Variants in MIA3 observed in about 807,000 individuals in gnomAD.
MIA3 encodes transport and Golgi organization protein 1 homolog.
In MIA3, 90 loss-of-function variants were observed where a neutral mutation model predicts 192.4. The observed-to-expected ratio is 0.47, with a 90% CI of 0.39 to 0.56. The LOEUF (loss-of-function observed/expected upper bound fraction) is 0.56, where lower values mean the gene tolerates loss of function less well. Ranked by LOEUF, MIA3 falls within the 20% of genes least tolerant of loss-of-function variation. The probability of loss-of-function intolerance (pLI) is 0.00; values close to 1 mark genes in which losing one functional copy is unlikely to be tolerated. For missense variants in MIA3, 2,123 were observed against 2,269.4 expected, an observed-to-expected ratio of 0.94 and a Z score of 1.31; for synonymous variants, 740 against 792.8, an observed-to-expected ratio of 0.93 and a Z score of 1.12.
intron 6 of MIA3, among the ~76,000 whole-genome samples, chr1:222,636,605 C>G (rs994682534): frequency 6.6e-6 from 1 of 150,764 alleles, no homozygotes; most frequent in Non-Finnish European, 1.5e-5. Flanking sequence ...CTCCACCTCC[C>G]GGGTTCAAGC....
intron 27 of MIA3, among the ~76,000 whole-genome samples, chr1:222,664,588 T>C (rs1392493084): frequency 6.6e-6 from 1 of 151,980 alleles, no homozygotes; most frequent in African/African-American, 2.4e-5. Flanking sequence ...CCCTCAACCC[T>C]CACCTTGGGA....
Position 222,659,649 on chromosome 1 carries a change from G to A in MIA3, c.4798G>A (p.Glu1600Lys). The A allele has an allele frequency of 1.2e-6, 2 of 1,613,990 alleles. No homozygotes were observed. The highest frequency in any genetic ancestry group is 3.3e-4 in the Middle Eastern group (2 of 6,060). Reference sequence around the variant, plus strand: ...CGCTACCCATGAGAAGAAAGCTCATGAAAACTGGGTAAGATTTCTTTTTTT... The same window carrying A: ...CGCTACCCATGAGAAGAAAGCTCATAAAAACTGGGTAAGATTTCTTTTTTT... ...QIATHEKKAH[E>K]NWLKARAAER... is the part of the protein sequence containing the mutation. Residue 1600 changes from glutamate to lysine, a missense_variant, in exon 21 of 28, where the codon GAA becomes AAA. Coordinates refer to ENST00000344922, the MANE Select transcript of MIA3 (RefSeq NM_198551.4).
intron 15 of MIA3, 125 bp downstream of exon 15, chr1:222,653,464 G>T: frequency 1.5e-6 from 1 of 654,856 alleles, no homozygotes; most frequent in South Asian, 1.9e-5. Flanking sequence ...GGATTTGAAT[G>T]TGTGTCTGTT....
chr1:222,625,508 AATTTTAT>A (rs1662073432), intron 3 of MIA3, among the ~76,000 whole-genome samples: 1 of 152,228 alleles, frequency 6.6e-6, no homozygotes, highest in Non-Finnish European at 1.5e-5. Flanking sequence ...ATTAAGCTCT[AATTTTAT>A]ACTGAGCCAG....
At position 222,628,195 on chromosome 1, in the gene MIA3, T is replaced by G; in HGVS notation, c.975T>G (p.Phe325Leu). The G allele has an allele frequency of 6.2e-7, 1 of 1,614,118 alleles. No individual in the cohort carries two copies. Among genetic ancestry groups the G allele is most frequent in the South Asian group, 1.1e-5 (1 of 91,086 alleles). ...AAGATGAGGAGAACCAAGAAGACTT[T>G]GATGAGTTGCCATTACTTACCTTTA... ...GKEDEENQED[F>L]DELPLLTFTD... The change falls in exon 4 of 28, where the codon TTT (phenylalanine) becomes TTG (leucine). Residue 325 changes from phenylalanine (F) to leucine (L), a missense_variant. Phe to Leu is a conservative substitution (Grantham distance 22, BLOSUM62 0). This residue lies in a region of MIA3 where 1,357 missense variants were observed against 1,396.1 expected (regional missense o/e 0.97). Coordinates refer to ENST00000344922, the MANE Select transcript of MIA3 (RefSeq NM_198551.4).
At position 222,667,950 on chromosome 1, in the gene MIA3, A is replaced by G. The variant is rs373296880; in HGVS notation, c.*2331A>G. ...TGTGGTATATTCTGTGTCAACTTCA[A>G]GATAATCACTCATTTTCTCGTTATA... is the stretch of plus-strand genomic sequence containing the variant. On this transcript the variant is annotated 3_prime_UTR_variant, in exon 28 of 28. Coordinates refer to ENST00000344922, the MANE Select transcript of MIA3 (RefSeq NM_198551.4). The G allele has an allele frequency of 1.3e-5, 2 of 152,320 alleles. No individual in the cohort carries two copies. The highest frequency in any genetic ancestry group is 3.9e-4 in the East Asian group (2 of 5,186). 9.4% of individuals were successfully genotyped at this position (152,320 alleles called of 1,614,324 possible). A position where few individuals can be genotyped will look rare whatever the true frequency, so the allele number is the denominator to read the frequency against.
intron 6 of MIA3, among the ~76,000 whole-genome samples, chr1:222,633,647 G>T (rs151252472): frequency 6.6e-6 from 1 of 151,982 alleles, no homozygotes; most frequent in African/African-American, 2.4e-5. Flanking sequence ...CCAGAAATTC[G>T]CTGAGATATG....
intron 15 of MIA3, among the ~76,000 whole-genome samples, chr1:222,653,905 G>A (rs957523278): frequency 1.3e-5 from 2 of 152,162 alleles, no homozygotes; most frequent in Middle Eastern, 6.3e-3. Context: ...CTTGTGTAGT[G>A]GGTGTTTTAA....
chr1:222,644,298 C>T, intron 6 of MIA3: 1 of 1,421,324 alleles, frequency 7.0e-7, no homozygotes, highest in South Asian at 1.4e-5. Context: ...GGGGCAGTGG[C>T]TGATGACGTG....
chr1:222,650,664 A>G lies in MIA3; in HGVS notation c.3751A>G (p.Thr1251Ala). The change falls in exon 10 of 28, where the codon ACC becomes GCC. Residue 1251 changes from threonine (T) to alanine (A), a missense_variant. Coordinates refer to ENST00000344922, the MANE Select transcript of MIA3 (RefSeq NM_198551.4). ...GGAATCAAAGAAACATGTTCAGGAA[A>G]CCAGGAAACAAAATATGATTCTCTC... Reference protein sequence around the residue: ...IKESKKHVQETRKQNMILSDE... With the variant: ...IKESKKHVQEARKQNMILSDE... 6.3e-7 allele frequency: 1 copy of G among 1,597,926 alleles called. No individual in the cohort carries two copies. Among genetic ancestry groups the G allele is most frequent in the South Asian group, 1.1e-5 (1 of 88,610 alleles).
At position 222,629,163 on chromosome 1, in the gene MIA3, T is replaced by C. The variant is rs777501891; in HGVS notation, c.1943T>C (p.Val648Ala). Residue 648 changes from valine (V) to alanine (A), a missense_variant, in exon 4 of 28, where the codon GTT becomes GCT. By Grantham distance (64) the Val-to-Ala change is moderately conservative (BLOSUM62 0). Around this residue, in one of 3 missense-constraint regions of MIA3, gnomAD observed 1,357 missense variants for 1,396.1 expected, o/e 0.97. Transcript: ENST00000344922. Reference sequence around the variant, plus strand: ...TTGCCCAGAGAACTGGAAGACGAGGTTCCCATTCTGGGAAGAAATCTTCCC... The same window carrying C: ...TTGCCCAGAGAACTGGAAGACGAGGCTCCCATTCTGGGAAGAAATCTTCCC... Reference protein sequence around the residue: ...IDLPRELEDEVPILGRNLPWQ... With the variant: ...IDLPRELEDEAPILGRNLPWQ... The C allele has an allele frequency of 1.2e-4, 186 of 1,613,830 alleles. No individual in the cohort carries two copies. Among genetic ancestry groups the C allele is most frequent in the Non-Finnish European group, 1.5e-4 (174 of 1,179,978 alleles).
Position 222,628,400 on chromosome 1 carries a change from G to T in MIA3, c.1180G>T (p.Gly394Cys), listed in dbSNP as rs761603506. The T allele has an allele frequency of 6.2e-7, 1 of 1,613,868 alleles. No individual in the cohort carries two copies. Among genetic ancestry groups the T allele is most frequent in the Admixed American group, 1.7e-5 (1 of 59,968 alleles). The change falls in exon 4 of 28, where the codon GGT (glycine) becomes TGT (cysteine). Residue 394 changes from glycine to cysteine, a missense_variant. Coordinates refer to ENST00000344922, the MANE Select transcript of MIA3 (RefSeq NM_198551.4). ...CACTATCTTCTCTATTGTCACAGGA[G>T]GTGAAGAAACAAGAGATACGATGGA... ...GDTIFSIVTG[G>C]EETRDTMDLE... is the part of the protein sequence containing the mutation.
intron 7 of MIA3, 162 bp downstream of exon 7, chr1:222,645,847 C>A: frequency 1.6e-6 from 1 of 614,300 alleles, no homozygotes; most frequent in Admixed American, 3.8e-5. Flanking sequence ...TTGGTAAATT[C>A]TTAAGTGAAT....
At chr1:222,656,847 T>C (rs1663758443) in intron 18 of MIA3, among the ~76,000 whole-genome samples, 1 of 152,252 alleles carries the variant, frequency 6.6e-6, no homozygotes, top group African/African-American at 2.4e-5. Context: ...TCTGCTAAAA[T>C]CATTGAGTTC....
intron 6 of MIA3, among the ~76,000 whole-genome samples, chr1:222,641,205 T>C (rs1332945105): frequency 1.3e-5 from 2 of 152,190 alleles, no homozygotes; most frequent in Non-Finnish European, 2.9e-5. Flanking sequence ...CAGCCATTCT[T>C]CTCCTAAACA....
chr1:222,642,389 G>C (rs1662903304), intron 6 of MIA3, among the ~76,000 whole-genome samples: 1 of 152,038 alleles, frequency 6.6e-6, no homozygotes. Flanking sequence ...TACCCTAGCA[G>C]TATATAAAAT....
intron 6 of MIA3, among the ~76,000 whole-genome samples, chr1:222,636,253 C>A (rs977824778): frequency 3.9e-5 from 6 of 152,116 alleles, no homozygotes; most frequent in African/African-American, 1.4e-4. Context: ...TGATATTGAG[C>A]ACTTTTTCAC....
intron 6 of MIA3, chr1:222,644,272 G>A (rs1571886270): frequency 1.2e-5 from 16 of 1,388,624 alleles, no homozygotes; most frequent in Admixed American, 2.9e-5. Context: ...CTCCTTTGGT[G>A]CCTTGAGGTG....
intron 7 of MIA3, 159 bp downstream of exon 7, chr1:222,645,844 A>ATTATTTTTTTTTTTTTTTTTTTTTTTTT (rs1663112306): frequency 1.6e-6 from 1 of 630,282 alleles, no homozygotes; most frequent in East Asian, 4.0e-5. Flanking sequence ...GTGTTGGTAA[A>ATTATTTTTTTTTTTTTTTTTTTTTTTTT]TTCTTAAGTG....
Sources: gnomAD v4.1 joint callset for allele counts (sites outside exome capture counted in the v4.1 genomes callset) on GRCh38, gnomAD v4.1.1 for gene constraint, gnomAD v4.1.1 regional missense constraint, MANE v1.5 for transcripts, NCBI Gene and HGNC (gene_info 2026-07-23, HGNC 2026-07-21) for gene names.